The following BBS9 variants were observed in gnomAD, a reference collection of about 807,000 sequenced individuals.
BBS9 encodes the protein Bardet-Biedl syndrome 9, also known as protein PTHB1.
A neutral mutation model predicts 117.7 loss-of-function variants in BBS9; 89 were observed. The ratio of observed to expected loss-of-function variants is 0.76; its 90% CI spans 0.64 to 0.90. The LOEUF is 0.90. BBS9 is among the 40% of genes least tolerant of loss of function. The pLI is 0.00. For synonymous variants in BBS9, 379 were observed against 370.9 expected (o/e 1.02, Z -0.25); for missense variants, 982 against 1,042.2 (o/e 0.94, Z 0.80).
chr7:33,333,927 A>G (rs1327842604), intron 9 of BBS9, among the ~76,000 whole-genome samples: 2 of 147,874 alleles, frequency 1.4e-5, no homozygotes, highest in Admixed American at 1.4e-4. Context: ...TGTCTTTTGC[A>G]ATTGATTTTT....
intron 5 of BBS9, among the ~76,000 whole-genome samples, chr7:33,211,494 ATTG>A (rs1169933827): frequency 1.3e-5 from 2 of 151,660 alleles, no homozygotes; most frequent in Non-Finnish European, 2.9e-5. Flanking sequence ...TTTATTTTTG[ATTG>A]TTATTATCCC....
At chr7:33,589,925 G>A (rs931237581) in intron 21 of BBS9, among the ~76,000 whole-genome samples, 1 of 152,080 alleles carries the variant, frequency 6.6e-6, no homozygotes, top group South Asian at 2.1e-4. Context: ...CTGAGTGCTG[G>A]ATATTGTAAC....
chr7:33,218,120 G>A (rs1468303446), intron 5 of BBS9, among the ~76,000 whole-genome samples: 1 of 152,098 alleles, frequency 6.6e-6, no homozygotes, highest in Admixed American at 6.5e-5. Flanking sequence ...GGATATATTG[G>A]TACAGATTAA....
chr7:33,529,058 A>G (rs916950921), intron 20 of BBS9, among the ~76,000 whole-genome samples: 1 of 152,244 alleles, frequency 6.6e-6, no homozygotes, highest in African/African-American at 2.4e-5. Context: ...GATAGCAAGA[A>G]GCATAGCTCA....
intron 19 of BBS9, among the ~76,000 whole-genome samples, chr7:33,501,263 T>G (rs904723454): frequency 5.3e-5 from 8 of 152,228 alleles, no homozygotes; most frequent in African/African-American, 1.7e-4. Flanking sequence ...GTTAAATTCA[T>G]TTGGCTCTTG....
chr7:33,161,140 T>G (rs959536753), intron 4 of BBS9, among the ~76,000 whole-genome samples: 2 of 152,042 alleles, frequency 1.3e-5, no homozygotes, highest in African/African-American at 4.8e-5. Flanking sequence ...TTTTTTATTA[T>G]ACTTTAAGTT....
chr7:33,527,133 A>T (rs1429441745), intron 20 of BBS9, among the ~76,000 whole-genome samples: 3 of 151,908 alleles, frequency 2.0e-5, no homozygotes, highest in Non-Finnish European at 4.4e-5. Flanking sequence ...GTACTGGGAG[A>T]ACCGCTGCTC....
intron 19 of BBS9, among the ~76,000 whole-genome samples, chr7:33,407,895 C>T (rs1192662964): frequency 6.6e-6 from 1 of 152,238 alleles, no homozygotes; most frequent in Non-Finnish European, 1.5e-5. Flanking sequence ...GTCAGGGACC[C>T]ACTAGAGGAG....
At chr7:33,538,326 G>T (rs893091285) in intron 21 of BBS9, among the ~76,000 whole-genome samples, 29 of 152,298 alleles carry the variant, frequency 1.9e-4, no homozygotes, top group African/African-American at 7.0e-4. Context: ...TTGAGATGTG[G>T]TAGGGACCAC....
chr7:33,602,606 T>C (rs971943887), intron 21 of BBS9, among the ~76,000 whole-genome samples: 1 of 152,138 alleles, frequency 6.6e-6, no homozygotes, highest in East Asian at 1.9e-4. Context: ...CGCATGCCTG[T>C]AATCACAGCT....
At chr7:33,338,727 C>A (rs979676112) in intron 10 of BBS9, among the ~76,000 whole-genome samples, 1 of 152,188 alleles carries the variant, frequency 6.6e-6, no homozygotes, top group African/African-American at 2.4e-5. Context: ...TGAAGCTTTT[C>A]ATACTCAACT....
chr7:33,187,556 T>C (rs80058554), intron 5 of BBS9, among the ~76,000 whole-genome samples: 2,198 of 152,324 alleles, frequency 0.014, 56 homozygotes, highest in African/African-American at 0.05. Context: ...ATCCATTCGA[T>C]GCATATTTAC....
chr7:33,398,487 T>C (rs1828378751), intron 19 of BBS9, among the ~76,000 whole-genome samples: 1 of 152,220 alleles, frequency 6.6e-6, no homozygotes, highest in Non-Finnish European at 1.5e-5. Flanking sequence ...ACAAGAGCAA[T>C]ATACAAAGCT....
chr7:33,615,530 C>A (rs1865086658), intron 21 of BBS9, among the ~76,000 whole-genome samples: 1 of 151,612 alleles, frequency 6.6e-6, no homozygotes, highest in Non-Finnish European at 1.5e-5. Flanking sequence ...TAGAAACTTC[C>A]CAAACAGAAA....
chr7:33,257,149 A>G, intron 5 of BBS9, 87 bp from the exon 6 acceptor site: 1 of 923,324 alleles, frequency 1.1e-6, no homozygotes, highest in Non-Finnish European at 1.6e-6. Flanking sequence ...TTGGTGCCTA[A>G]GACATACATG....
intron 3 of BBS9, among the ~76,000 whole-genome samples, chr7:33,154,930 T>C (rs1694586889): frequency 6.6e-6 from 1 of 152,222 alleles, no homozygotes; most frequent in Non-Finnish European, 1.5e-5. Context: ...TCTGGTTCAG[T>C]CTCCAGTTAA....
intron 4 of BBS9, among the ~76,000 whole-genome samples, chr7:33,156,937 A>G (rs115883424): frequency 0.014 from 2,067 of 152,052 alleles, 56 homozygotes; most frequent in African/African-American, 0.048. Context: ...GATATAGGCT[A>G]CTTTATTGCA....
intron 9 of BBS9, among the ~76,000 whole-genome samples, chr7:33,336,050 C>T (rs1402146361): frequency 1.3e-5 from 2 of 152,104 alleles, no homozygotes; most frequent in Admixed American, 6.5e-5. Context: ...CCAGCAGCCC[C>T]GCTCCATCTC....
At chr7:33,404,387 A>C (rs1829536278) in intron 19 of BBS9, among the ~76,000 whole-genome samples, 1 of 152,068 alleles carries the variant, frequency 6.6e-6, no homozygotes, top group Non-Finnish European at 1.5e-5. Flanking sequence ...GAAGAAAGTC[A>C]TTGGTAGCTT....
Sources: allele counts gnomAD v4.1 joint callset (sites outside exome capture counted in the v4.1 genomes callset), GRCh38; gene constraint gnomAD v4.1.1; transcripts MANE v1.5; gene names NCBI Gene and HGNC (gene_info 2026-07-23, HGNC 2026-07-21).